SEPTIN9: variants seen among roughly 807,000 people sequenced by gnomAD.
SEPTIN9 encodes septin 9, also known as septin-9.
Under a neutral mutation model 56.6 loss-of-function variants are expected in SEPTIN9, and 13 were observed. The ratio of observed to expected loss-of-function variants is 0.23; its 90% CI spans 0.15 to 0.37. The LOEUF (loss-of-function observed/expected upper bound fraction) is 0.37. SEPTIN9 is among the 10% of genes least tolerant of loss of function. The pLI is 1.00. For synonymous variants in SEPTIN9, 332 were observed against 334.1 expected (o/e 0.99, Z 0.07); for missense variants, 650 against 823.1 (o/e 0.79, Z 2.57).
intron 2 of SEPTIN9, among the ~76,000 whole-genome samples, chr17:77,355,825 AC>A (rs1403964037): frequency 2.6e-5 from 4 of 151,504 alleles, no homozygotes; most frequent in African/African-American, 9.7e-5. Flanking sequence ...TACTAAAAAT[AC>A]AAAAAATTAG....
intron 2 of SEPTIN9, among the ~76,000 whole-genome samples, chr17:77,387,036 CA>C (rs1377473319): frequency 6.6e-6 from 1 of 152,320 alleles, no homozygotes; most frequent in East Asian, 1.9e-4. Flanking sequence ...TGGTTAGCCC[CA>C]GATAGCTGGG....
At chr17:77,468,307 C>T (rs2038838679) in intron 3 of SEPTIN9, among the ~76,000 whole-genome samples, 1 of 151,980 alleles carries the variant, frequency 6.6e-6, no homozygotes, top group African/African-American at 2.4e-5. Flanking sequence ...AACTGAGGAA[C>T]CCAGTGTAGA....
chr17:77,499,378 C>T lies in SEPTIN9; in HGVS notation c.*720C>T, dbSNP rs1253287577. On this transcript the variant is annotated 3_prime_UTR_variant, in exon 12 of 12. Coordinates refer to ENST00000427177, the MANE Select transcript of SEPTIN9 (RefSeq NM_001113491.2). ...CTTCATCTCCCTGCCATCCCCCTCTCACGCCACCCCCGCCCCCACCGGGCT... is the reference window on the plus strand; with the variant it reads ...CTTCATCTCCCTGCCATCCCCCTCTTACGCCACCCCCGCCCCCACCGGGCT... 2 of 561,676 alleles carry T rather than the reference C, an allele frequency of 3.6e-6. No individual in the cohort carries two copies. The highest frequency in any genetic ancestry group is 6.9e-6 in the Non-Finnish European group (2 of 291,050). The allele number at this position is 561,676 out of a possible 1,614,324, so 34.8% of individuals were successfully genotyped here.
At chr17:77,324,607 G>A (rs2033062741) in intron 2 of SEPTIN9, among the ~76,000 whole-genome samples, 1 of 152,154 alleles carries the variant, frequency 6.6e-6, no homozygotes, top group African/African-American at 2.4e-5. Context: ...GTGATGTTGA[G>A]CATCTTTTCG....
chr17:77,336,370 C>T (rs1330744050), intron 2 of SEPTIN9, among the ~76,000 whole-genome samples: 3 of 151,920 alleles, frequency 2.0e-5, no homozygotes, highest in Admixed American at 6.6e-5. Flanking sequence ...GATGGTATAT[C>T]TCCGTTTTAA....
In SEPTIN9 at chr17:77,348,255, T is replaced by G. The variant is rs192084756; in HGVS notation, c.76+41058T>G. Among the ~76,000 whole-genome samples, 502 of 151,896 alleles carry G rather than the reference T, an allele frequency of 3.3e-3. 4 individuals carry two copies. The highest frequency in any genetic ancestry group is 0.011 in the African/African-American group (470 of 41,488). ...CATCTTGCTTTCTTGGCTTCTTTTA[T>G]GTTAATTAAGTATTTTTTAGAATTC... On this transcript the variant is annotated intron_variant, in intron 2 of 11. Coordinates refer to ENST00000427177, the MANE Select transcript of SEPTIN9 (RefSeq NM_001113491.2).
chr17:77,356,850 A>G, intron 2 of SEPTIN9, among the ~76,000 whole-genome samples: 1 of 148,476 alleles, frequency 6.7e-6, no homozygotes. Context: ...CAACCCTAGG[A>G]AAAGGCTCAT....
intron 2 of SEPTIN9, among the ~76,000 whole-genome samples, chr17:77,311,772 T>G (rs1261813439): frequency 6.6e-6 from 1 of 152,122 alleles, no homozygotes; most frequent in Middle Eastern, 3.2e-3. Context: ...GACGAACAGG[T>G]GCCCCATGCC....
intron 1 of SEPTIN9, chr17:77,288,343 G>A (rs2031369453): frequency 8.8e-6 from 4 of 452,026 alleles, no homozygotes; most frequent in Non-Finnish European, 1.2e-5. Flanking sequence ...CCCGGAAGCC[G>A]AGGATGTCCC....
chr17:77,494,144 C>T (rs1182790558), intron 10 of SEPTIN9, among the ~76,000 whole-genome samples: 2 of 151,962 alleles, frequency 1.3e-5, no homozygotes, highest in African/African-American at 4.8e-5. Flanking sequence ...AGTGGATGAT[C>T]CCATTTGGAG....
intron 2 of SEPTIN9, among the ~76,000 whole-genome samples, chr17:77,383,677 A>G (rs1419841576): frequency 6.6e-6 from 1 of 152,210 alleles, no homozygotes. Flanking sequence ...CCTGGCTGGT[A>G]CTTTGGGTGG....
chr17:77,477,944 G>C (rs1351002896), intron 3 of SEPTIN9, among the ~76,000 whole-genome samples: 1 of 152,128 alleles, frequency 6.6e-6, no homozygotes, highest in Non-Finnish European at 1.5e-5. Context: ...TTCGTAGCAG[G>C]GCGAGGCCTG....
chr17:77,470,192 C>T (rs978031007), intron 3 of SEPTIN9, among the ~76,000 whole-genome samples: 2 of 150,994 alleles, frequency 1.3e-5, no homozygotes, highest in African/African-American at 4.9e-5. Context: ...CTCATCCACC[C>T]ATCCACTCAT....
At chr17:77,401,778 C>T (rs780511218) in intron 2 of SEPTIN9, among the ~76,000 whole-genome samples, 4 of 152,056 alleles carry the variant, frequency 2.6e-5, no homozygotes, top group African/African-American at 4.8e-5. Flanking sequence ...CCTATGTAGA[C>T]GTAGCTGGAG....
chr17:77,384,170 G>T (rs2035248259), intron 2 of SEPTIN9, among the ~76,000 whole-genome samples: 1 of 152,188 alleles, frequency 6.6e-6, no homozygotes, highest in Non-Finnish European at 1.5e-5. Flanking sequence ...CTGGCTGGGG[G>T]CTGCTCCCTC....
Position 77,310,145 on chromosome 17 carries a change from A to ATT in SEPTIN9, c.76+2955_76+2956dup, listed in dbSNP as rs35305391. The stretch of plus-strand genomic sequence containing the variant: ...AGGCACCCGCCACCATGTCTGGCTA[A>ATT]TTTTTTTTGTATTTTTAGTAGACAC... On this transcript the variant is annotated intron_variant, in intron 2 of 11. Coordinates refer to ENST00000427177, the MANE Select transcript of SEPTIN9 (RefSeq NM_001113491.2). The surrounding 1 kb of genome is among the most constrained non-coding windows in gnomAD (Gnocchi z 4.7). Among the ~76,000 whole-genome samples the ATT allele has an allele frequency of 3.0e-3, 453 of 151,848 alleles. No homozygotes were observed. Among genetic ancestry groups the ATT allele is most frequent in the African/African-American group, 0.01 (418 of 41,350 alleles).
intron 3 of SEPTIN9, among the ~76,000 whole-genome samples, chr17:77,416,943 A>C (rs572635053): frequency 6.6e-6 from 1 of 152,346 alleles, no homozygotes; most frequent in Non-Finnish European, 1.5e-5. Flanking sequence ...GCCATTTGGC[A>C]TCTTGGTTTC....
intron 2 of SEPTIN9, among the ~76,000 whole-genome samples, chr17:77,383,357 T>G (rs388090): frequency 1.3e-5 from 2 of 151,806 alleles, no homozygotes; most frequent in Non-Finnish European, 2.9e-5. Context: ...TGGTACTTTG[T>G]ATACAAGGTG....
chr17:77,458,370 C>G (rs180702656), intron 3 of SEPTIN9, among the ~76,000 whole-genome samples: 1 of 152,164 alleles, frequency 6.6e-6, no homozygotes, highest in African/African-American at 2.4e-5. Flanking sequence ...GCCCCGGCAC[C>G]GCCGCTGTCC....
Sources: gnomAD v4.1 joint callset for allele counts (sites outside exome capture counted in the v4.1 genomes callset) on GRCh38, gnomAD v4.1.1 for gene constraint, Gnocchi (gnomAD v3.1) non-coding constraint, MANE v1.5 for transcripts, NCBI Gene and HGNC (gene_info 2026-07-23, HGNC 2026-07-21) for gene names.